Variants in IL1RAPL1 observed in about 807,000 individuals in gnomAD.
The protein encoded by IL1RAPL1 is interleukin 1 receptor accessory protein like 1.
Under a neutral mutation model 48.4 loss-of-function variants are expected in IL1RAPL1, and 3 were observed. The observed-to-expected ratio is 0.06, with a 90% CI of 0.03 to 0.16. The LOEUF (loss-of-function observed/expected upper bound fraction) is 0.16. Among genes scored for constraint, IL1RAPL1 ranks in the 10% least tolerant of loss-of-function variants. The pLI is 1.00. For synonymous variants in IL1RAPL1, 185 were observed against 187.7 expected (o/e 0.99, Z 0.12); for missense variants, 349 against 530.6 (o/e 0.66, Z 3.36).
At chrX:28,836,555 G>A (rs764780188) in intron 2 of IL1RAPL1, among the ~76,000 whole-genome samples, 1 of 109,311 alleles carries the variant, frequency 9.1e-6, no homozygotes, top group African/African-American at 3.3e-5. Flanking sequence ...GAAAGAAAAG[G>A]ATTTATTTAA....
intron 2 of IL1RAPL1, among the ~76,000 whole-genome samples, chrX:29,073,175 A>G (rs186179848): frequency 8.9e-6 from 1 of 112,464 alleles, no homozygotes; most frequent in East Asian, 2.8e-4. Context: ...AGGAAAAAGA[A>G]ATAAATCATA....
chrX:29,722,460 A>C (rs1927660724), intron 6 of IL1RAPL1, among the ~76,000 whole-genome samples: 1 of 112,233 alleles, frequency 8.9e-6, no homozygotes, highest in Non-Finnish European at 1.9e-5. Flanking sequence ...TTTTGTGGCA[A>C]GATTATCTTT....
chrX:29,714,551 T>G (rs1276032168), intron 6 of IL1RAPL1, among the ~76,000 whole-genome samples: 1 of 112,184 alleles, frequency 8.9e-6, no homozygotes, highest in Non-Finnish European at 1.9e-5. Context: ...TAGCACATTT[T>G]ATATGATATT....
chrX:28,959,495 C>T (rs1414469300), intron 2 of IL1RAPL1, among the ~76,000 whole-genome samples: 1 of 111,649 alleles, frequency 9.0e-6, no homozygotes, highest in Non-Finnish European at 1.9e-5. Context: ...ATTATTTAAG[C>T]CTTTGCCAAT....
intron 3 of IL1RAPL1, among the ~76,000 whole-genome samples, chrX:29,367,200 T>C (rs983191467): frequency 8.9e-6 from 1 of 112,119 alleles, no homozygotes; most frequent in African/African-American, 3.2e-5. Context: ...TCTAAACTTA[T>C]CATTTTTCAT....
At chrX:29,071,630 C>T (rs1927566105) in intron 2 of IL1RAPL1, among the ~76,000 whole-genome samples, 1 of 111,788 alleles carries the variant, frequency 8.9e-6, no homozygotes, top group African/African-American at 3.3e-5. Context: ...CTGGACTGTA[C>T]TGAGTTTATC....
intron 2 of IL1RAPL1, among the ~76,000 whole-genome samples, chrX:29,190,107 G>A (rs781275567): frequency 1.8e-5 from 2 of 111,618 alleles, no homozygotes; most frequent in Admixed American, 9.6e-5. Context: ...CTACCTTACA[G>A]TATCATTGTA....
At chrX:29,630,366 TATTA>T (rs1164299490) in intron 5 of IL1RAPL1, among the ~76,000 whole-genome samples, 1 of 111,746 alleles carries the variant, frequency 8.9e-6, no homozygotes, top group Non-Finnish European at 1.9e-5. Flanking sequence ...AGTAAAATTC[TATTA>T]ATTCAGGTTT....
At chrX:28,864,047 A>G (rs1411166057) in intron 2 of IL1RAPL1, among the ~76,000 whole-genome samples, 1 of 111,867 alleles carries the variant, frequency 8.9e-6, no homozygotes, top group African/African-American at 3.3e-5. Context: ...ACTCTACCAC[A>G]TACACTATAC....
rs749022619 is a variant in IL1RAPL1, at chrX:28,758,974, C to T, written c.-24-30346C>T. ...TGTCCTGGCTGGGTGCAGCGGCTCA[C>T]GCCTGTAATCCCAGCACTTTGGGAG... On this transcript the variant is annotated intron_variant, in intron 1 of 10. Transcript: ENST00000378993. Among the ~76,000 whole-genome samples the T allele has an allele frequency of 6.7e-3, 750 of 112,346 alleles. 6 individuals carry two copies. The highest frequency in any genetic ancestry group is 0.023 in the African/African-American group (707 of 30,970).
intron 6 of IL1RAPL1, among the ~76,000 whole-genome samples, chrX:29,675,747 T>C (rs1389090596): frequency 2.7e-5 from 3 of 110,969 alleles, no homozygotes; most frequent in African/African-American, 9.8e-5. Context: ...TCCGCCACCA[T>C]GCCCAGCTAA....
At chrX:29,613,822 G>A (rs1402745985) in intron 5 of IL1RAPL1, among the ~76,000 whole-genome samples, 1 of 99,017 alleles carries the variant, frequency 1.0e-5, no homozygotes, top group Non-Finnish European at 2.0e-5. Flanking sequence ...GGAGTGCAGT[G>A]GCGCAATCTC....
chrX:28,905,187 T>TATC (rs1430058904), intron 2 of IL1RAPL1, among the ~76,000 whole-genome samples: 7 of 111,546 alleles, frequency 6.3e-5, no homozygotes, highest in Non-Finnish European at 9.4e-5. Flanking sequence ...GCATTATTAT[T>TATC]ATCACTACTA....
chrX:29,530,206 A>G (rs1307454145), intron 5 of IL1RAPL1, among the ~76,000 whole-genome samples: 1 of 111,787 alleles, frequency 8.9e-6, no homozygotes, highest in African/African-American at 3.3e-5. Flanking sequence ...GTGTAGAGTA[A>G]CTGGTAACCA....
chrX:29,330,577 T>C (rs1932876390), intron 3 of IL1RAPL1, among the ~76,000 whole-genome samples: 1 of 79,802 alleles, frequency 1.3e-5, no homozygotes, highest in African/African-American at 3.6e-5. Context: ...TTAAGTGTTC[T>C]TTCTCTTTGT....
chrX:28,802,141 A>G (rs998796491), intron 2 of IL1RAPL1, among the ~76,000 whole-genome samples: 1 of 111,402 alleles, frequency 9.0e-6, no homozygotes, highest in African/African-American at 3.3e-5. Flanking sequence ...CTGTTAAGAG[A>G]AAAAAAAATT....
chrX:29,954,848 T>G (rs1263082454), intron 10 of IL1RAPL1, among the ~76,000 whole-genome samples, 156 bp downstream of exon 10: 2 of 112,393 alleles, frequency 1.8e-5, no homozygotes, highest in Non-Finnish European at 3.8e-5. Flanking sequence ...CACATGAAAT[T>G]TAATTTTTGC....
At chrX:29,811,073 CTCTT>C (rs2147177813) in intron 6 of IL1RAPL1, among the ~76,000 whole-genome samples, 1 of 110,521 alleles carries the variant, frequency 9.0e-6, no homozygotes, top group South Asian at 3.9e-4. Context: ...TCTCCTTTCT[CTCTT>C]TCTTTGTAGT....
intron 6 of IL1RAPL1, among the ~76,000 whole-genome samples, chrX:29,801,211 CTGTA>C (rs1167554190): frequency 9.1e-6 from 1 of 110,159 alleles, no homozygotes; most frequent in East Asian, 2.8e-4. Flanking sequence ...TCCTGTTGGA[CTGTA>C]TGTATCTAAA....
Sources: allele counts gnomAD v4.1 joint callset (sites outside exome capture counted in the v4.1 genomes callset), GRCh38; gene constraint gnomAD v4.1.1; transcripts MANE v1.5; gene names NCBI Gene and HGNC (gene_info 2026-07-23, HGNC 2026-07-21).